Variants in DECR1 observed in about 807,000 individuals in gnomAD.
DECR1 encodes 2,4-dienoyl-CoA reductase [(3E)-enoyl-CoA-producing], mitochondrial.
Under a neutral mutation model 38.8 loss-of-function variants are expected in DECR1, and 44 were observed. The ratio of observed to expected loss-of-function variants is 1.13; its 90% CI spans 0.89 to 1.46. The LOEUF (loss-of-function observed/expected upper bound fraction) is 1.46, where lower values mean the gene tolerates loss of function less well. Among genes scored for constraint, DECR1 ranks in the 40% most tolerant of loss-of-function variants. DECR1 has a pLI of 0.00. For synonymous variants in DECR1, 148 were observed against 135.2 expected, an observed-to-expected ratio of 1.09 and a Z score of -0.66; for missense variants, 428 against 405.5, an observed-to-expected ratio of 1.06 and a Z score of -0.48.
intron 6 of DECR1, among the ~76,000 whole-genome samples, chr8:90,039,615 T>G (rs1001754120): frequency 6.6e-6 from 1 of 152,162 alleles, no homozygotes; most frequent in African/African-American, 2.4e-5. Flanking sequence ...ATCTCTCAGC[T>G]CCTCCTTTCC....
intron 6 of DECR1, chr8:90,042,484 A>T (rs1813785856): frequency 1.9e-6 from 1 of 519,092 alleles, no homozygotes; most frequent in Admixed American, 3.3e-5. Flanking sequence ...CAGTAGAGTG[A>T]CTAAGGGTAC....
At chr8:90,028,015 G>A (rs1016685737) in intron 5 of DECR1, among the ~76,000 whole-genome samples, 26 of 152,176 alleles carry the variant, frequency 1.7e-4, no homozygotes, top group Non-Finnish European at 2.2e-4. Flanking sequence ...TTTTCCAAGT[G>A]TTACTTTTCA....
intron 8 of DECR1, 76 bp downstream of exon 8, chr8:90,045,071 C>A (rs748504082): frequency 5.3e-6 from 7 of 1,316,998 alleles, no homozygotes; most frequent in Middle Eastern, 3.7e-4. Flanking sequence ...TGGAACCAAT[C>A]CTGACAATGC....
intron 8 of DECR1, among the ~76,000 whole-genome samples, chr8:90,046,118 A>G (rs1238283065): frequency 6.6e-6 from 1 of 152,260 alleles, no homozygotes; most frequent in East Asian, 1.9e-4. Context: ...TCTGAAATTC[A>G]GAGCGCCTCT....
chr8:90,043,265 A>C (rs193037010), intron 7 of DECR1, among the ~76,000 whole-genome samples: 1 of 152,126 alleles, frequency 6.6e-6, no homozygotes, highest in Non-Finnish European at 1.5e-5. Context: ...TCCTTGACTC[A>C]TGCTTGTGCC....
At chr8:90,029,444 G>C (rs975629015) in intron 5 of DECR1, 1 of 152,078 alleles carries the variant, frequency 6.6e-6, no homozygotes, top group Non-Finnish European at 1.5e-5. Context: ...GTTGGGGAAA[G>C]GGAAAGAGTG....
intron 2 of DECR1, among the ~76,000 whole-genome samples, chr8:90,017,786 A>G (rs1013611573): frequency 6.6e-6 from 1 of 152,152 alleles, no homozygotes; most frequent in African/African-American, 2.4e-5. Flanking sequence ...TAAGCACTAT[A>G]TGGAGGTTGC....
In DECR1 at chr8:90,052,068, ATG is replaced by A; in HGVS notation, c.*172_*173del. 1.7e-6 allele frequency: 1 copy of A among 593,032 alleles called. No individual in the cohort carries two copies. Among genetic ancestry groups the A allele is most frequent in the Non-Finnish European group, 2.9e-6 (1 of 349,458 alleles). 36.7% of individuals were successfully genotyped at this position (593,032 alleles called of 1,614,324 possible). Reference sequence around the variant, plus strand: ...CATTGTATATTCAAAGATAAATAAAATGAAATATAGTCCTTCAAAACATTAAA... The same window carrying A: ...CATTGTATATTCAAAGATAAATAAAAAAATATAGTCCTTCAAAACATTAAA... On this transcript the variant is annotated 3_prime_UTR_variant, in exon 10 of 10. Coordinates refer to ENST00000220764, the MANE Select transcript of DECR1 (RefSeq NM_001359.2).
chr8:90,039,044 A>G (rs1196262853), intron 6 of DECR1, among the ~76,000 whole-genome samples: 2 of 152,318 alleles, frequency 1.3e-5, no homozygotes, highest in South Asian at 2.1e-4. Flanking sequence ...GTTCCTGCAT[A>G]TAATAGATGC....
chr8:90,024,106 C>G (rs1349617668), intron 5 of DECR1, among the ~76,000 whole-genome samples: 1 of 152,152 alleles, frequency 6.6e-6, no homozygotes, highest in Non-Finnish European at 1.5e-5. Flanking sequence ...TTTTCTTAAT[C>G]CAGTCTATCA....
At chr8:90,037,134 A>C in intron 6 of DECR1, 194 bp downstream of exon 6, 1 of 525,662 alleles carries the variant, frequency 1.9e-6, no homozygotes, top group Non-Finnish European at 3.4e-6. Flanking sequence ...AACTTTCTGC[A>C]GTGATGTAAA....
intron 1 of DECR1, among the ~76,000 whole-genome samples, chr8:90,011,461 G>A (rs1297788549): frequency 6.6e-6 from 1 of 152,092 alleles, no homozygotes; most frequent in Non-Finnish European, 1.5e-5. Flanking sequence ...AACAATTTTA[G>A]GATAAGCTTG....
intron 6 of DECR1, among the ~76,000 whole-genome samples, chr8:90,038,193 TTTCCATTGAACTG>T (rs1341294823): frequency 1.3e-5 from 2 of 152,218 alleles, no homozygotes; most frequent in African/African-American, 2.4e-5. Context: ...CATGCTTTAA[TTTCCATTGAACTG>T]TTCCATGTTT....
At chr8:90,034,008 CA>C (rs1484835443) in intron 5 of DECR1, among the ~76,000 whole-genome samples, 2 of 152,054 alleles carry the variant, frequency 1.3e-5, no homozygotes, top group Admixed American at 1.3e-4. Flanking sequence ...ATTTTGGAAG[CA>C]AAGTAATTTT....
chr8:90,016,916 T>G (rs1003048678), intron 1 of DECR1: 25 of 465,938 alleles, frequency 5.4e-5, no homozygotes, highest in Non-Finnish European at 9.2e-5. Context: ...TGGGAGAAAA[T>G]TCTGTGCTAT....
chr8:90,005,074 G>C (rs1812707348), intron 1 of DECR1, among the ~76,000 whole-genome samples: 1 of 152,136 alleles, frequency 6.6e-6, no homozygotes, highest in African/African-American at 2.4e-5. Context: ...AATTTGTGTG[G>C]TCCCAATGGC....
intron 1 of DECR1, among the ~76,000 whole-genome samples, chr8:90,002,307 T>C (rs754518422): frequency 1.3e-5 from 2 of 152,022 alleles, no homozygotes; most frequent in Non-Finnish European, 2.9e-5. Context: ...ATCATAAAAA[T>C]GAAACAAAAA....
At chr8:90,013,399 G>GTTTTTTTTTTTTTT (rs57505716) in intron 1 of DECR1, among the ~76,000 whole-genome samples, 52 of 77,970 alleles carry the variant, frequency 6.7e-4, no homozygotes, top group African/African-American at 9.4e-4. Context: ...CTCTTCTTTC[G>GTTTTTTTTTTTTTT]TTTTTTTTTT....
intron 8 of DECR1, among the ~76,000 whole-genome samples, chr8:90,049,867 A>G (rs924996975): frequency 2.0e-5 from 3 of 152,210 alleles, no homozygotes; most frequent in Non-Finnish European, 4.4e-5. Context: ...CTCAGAAATA[A>G]TACCACACAT....
Sources: gnomAD v4.1 joint callset for allele counts (sites outside exome capture counted in the v4.1 genomes callset) on GRCh38, gnomAD v4.1.1 for gene constraint, MANE v1.5 for transcripts, NCBI Gene and HGNC (gene_info 2026-07-23, HGNC 2026-07-21) for gene names.